Variants in NT5DC3 observed in about 807,000 individuals in gnomAD.
NT5DC3 encodes 5'-nucleotidase domain containing 3.
A neutral mutation model predicts 67.8 loss-of-function variants in NT5DC3; 42 were observed. The observed-to-expected ratio is 0.62, with a 90% CI of 0.48 to 0.80. The LOEUF is 0.80. Among genes scored for constraint, NT5DC3 ranks in the 30% least tolerant of loss-of-function variants. NT5DC3 has a pLI of 0.00. For missense variants in NT5DC3, 570 were observed against 696.4 expected (o/e 0.82, Z 2.04); for synonymous variants, 237 against 255.6 (o/e 0.93, Z 0.69).
intron 9 of NT5DC3, 63 bp downstream of exon 9, chr12:103,793,101 C>T (rs938848062): frequency 2.6e-6 from 3 of 1,149,552 alleles, no homozygotes; most frequent in East Asian, 2.4e-5. Flanking sequence ...CCAAGACACA[C>T]CATCTATATA....
chr12:103,809,304 C>T (rs146569490), intron 2 of NT5DC3, among the ~76,000 whole-genome samples: 1 of 152,246 alleles, frequency 6.6e-6, no homozygotes, highest in African/African-American at 2.4e-5. Flanking sequence ...GTGGTTCTTT[C>T]TTTGAATGAG....
intron 9 of NT5DC3, 25 bp from the exon 10 acceptor site, chr12:103,788,944 A>G (rs530805644): frequency 6.8e-7 from 1 of 1,461,042 alleles, no homozygotes; most frequent in African/African-American, 1.4e-5. Flanking sequence ...GGGAAACATT[A>G]TGACATGGAG....
intron 1 of NT5DC3, among the ~76,000 whole-genome samples, chr12:103,839,340 A>G (rs1232802307): frequency 2.6e-5 from 4 of 152,080 alleles, no homozygotes; most frequent in Non-Finnish European, 2.9e-5. Context: ...TCAACCTTCC[A>G]GGCTCAAGCG....
intron 4 of NT5DC3, among the ~76,000 whole-genome samples, chr12:103,805,262 G>A (rs551053663): frequency 3.5e-4 from 54 of 152,190 alleles, no homozygotes; most frequent in African/African-American, 1.3e-3. Flanking sequence ...AGAAGAATGA[G>A]CACATTACTT....
the NT5DC3 span, among the ~76,000 whole-genome samples, chr12:103,747,297 G>C: frequency 6.6e-6 from 1 of 152,192 alleles, no homozygotes; most frequent in African/African-American, 2.4e-5. Flanking sequence ...CAGCCATACA[G>C]AGGCCCAAAT....
At chr12:103,787,860 T>C (rs1885864330) in intron 10 of NT5DC3, among the ~76,000 whole-genome samples, 1 of 147,956 alleles carries the variant, frequency 6.8e-6, no homozygotes. Context: ...CAGCTGACAT[T>C]ATCTATTTTA....
At chr12:103,790,131 G>A (rs776664515) in intron 9 of NT5DC3, among the ~76,000 whole-genome samples, 1 of 151,714 alleles carries the variant, frequency 6.6e-6, no homozygotes, top group Non-Finnish European at 1.5e-5. Context: ...TGGAGAAAGG[G>A]TCTCACTCTG....
chr12:103,822,272 A>C (rs1311446348), intron 1 of NT5DC3, among the ~76,000 whole-genome samples: 1 of 152,188 alleles, frequency 6.6e-6, no homozygotes, highest in African/African-American at 2.4e-5. Flanking sequence ...GCATCTAAAA[A>C]TATGAAAACA....
At chr12:103,796,581 G>A (rs1030444156) in intron 6 of NT5DC3, among the ~76,000 whole-genome samples, 3 of 152,186 alleles carry the variant, frequency 2.0e-5, no homozygotes, top group African/African-American at 7.2e-5. Flanking sequence ...GTAGGTACAG[G>A]CTGGACTTCC....
the NT5DC3 span, chr12:103,746,765 C>T: frequency 3.3e-6 from 5 of 1,532,754 alleles, no homozygotes; most frequent in East Asian, 2.3e-5. Flanking sequence ...GCAGGACTTG[C>T]TCACAGTGCC....
downstream of NT5DC3, chr12:103,766,809 C>T (rs1447249260): frequency 6.4e-6 from 1 of 156,400 alleles, no homozygotes; most frequent in African/African-American, 2.4e-5. Flanking sequence ...CCTTTTCAAT[C>T]AATCAGACAC....
chr12:103,808,490 T>C (rs958780782), intron 2 of NT5DC3, among the ~76,000 whole-genome samples: 1 of 152,214 alleles, frequency 6.6e-6, no homozygotes, highest in African/African-American at 2.4e-5. Context: ...CAGGGTTCCA[T>C]TTGTACAAAA....
chr12:103,801,436 G>A (rs1886576227), intron 4 of NT5DC3, among the ~76,000 whole-genome samples: 1 of 131,962 alleles, frequency 7.6e-6, no homozygotes, highest in African/African-American at 2.9e-5. Flanking sequence ...AGGCTGGAGT[G>A]CAGTGTCACG....
At chr12:103,787,309 G>T in intron 11 of NT5DC3, 132 bp downstream of exon 11, 10 of 439,378 alleles carry the variant, frequency 2.3e-5, no homozygotes, top group Admixed American at 8.4e-5. Flanking sequence ...TAGGTTTTAT[G>T]AAAGCATAAA....
the NT5DC3 span, among the ~76,000 whole-genome samples, chr12:103,756,960 A>G: frequency 6.9e-6 from 1 of 144,624 alleles, no homozygotes; most frequent in Non-Finnish European, 1.5e-5. Flanking sequence ...CAAATTACCT[A>G]CCTTCTCTGG....
the NT5DC3 span, chr12:103,758,221 C>T: frequency 2.5e-6 from 4 of 1,614,166 alleles, no homozygotes; most frequent in Non-Finnish European, 3.4e-6. Context: ...ATTTCTAGAA[C>T]ACCTGACTGA....
At chr12:103,766,491 G>A, downstream of NT5DC3, 1 of 834,876 alleles carries the variant, frequency 1.2e-6, no homozygotes, top group Admixed American at 2.9e-5. Flanking sequence ...GTTTCTGTGG[G>A]TGAGAGATGT....
intron 4 of NT5DC3, among the ~76,000 whole-genome samples, chr12:103,805,136 CTG>C (rs1886744711): frequency 6.6e-6 from 1 of 151,410 alleles, no homozygotes; most frequent in Admixed American, 6.6e-5. Context: ...CCACCAAAAA[CTG>C]AGATCTGAAT....
chr12:103,758,787 G>A, the NT5DC3 span, among the ~76,000 whole-genome samples: 13 of 152,184 alleles, frequency 8.5e-5, no homozygotes, highest in African/African-American at 3.1e-4. Context: ...GAGGATTGGC[G>A]GTATTTATTC....
Sources: allele counts gnomAD v4.1 joint callset (sites outside exome capture counted in the v4.1 genomes callset), GRCh38; gene constraint gnomAD v4.1.1; transcripts MANE v1.5; gene names NCBI Gene and HGNC (gene_info 2026-07-23, HGNC 2026-07-21).